The following PGBD2 variants were observed in gnomAD, a reference collection of about 807,000 sequenced individuals.
The protein encoded by PGBD2 is piggyBac transposable element-derived protein 2.
A neutral mutation model predicts 8.1 loss-of-function variants in PGBD2; 6 were observed. That is an observed-to-expected ratio of 0.74 (90% confidence interval 0.40 to 1.46). The LOEUF (loss-of-function observed/expected upper bound fraction) is 1.46, where lower values mean the gene tolerates loss of function less well. PGBD2 is among the 40% of genes most tolerant of loss of function. PGBD2 has a pLI of 0.02. For missense variants in PGBD2, 802 were observed against 739.0 expected, an observed-to-expected ratio of 1.09 and a Z score of -0.99; for synonymous variants, 318 against 272.2, an observed-to-expected ratio of 1.17 and a Z score of -1.66.
At chr1:248,923,601 A>T (rs149384209), downstream of PGBD2, among the ~76,000 whole-genome samples, 822 of 152,366 alleles carry the variant, frequency 5.4e-3, 8 homozygotes, top group Middle Eastern at 0.02. Context: ...ACAGAAAATA[A>T]TCAGACAAAT....
chr1:248,918,216 G>A lies in PGBD2; in HGVS notation c.1632G>A (p.Glu544=). The A allele has an allele frequency of 6.2e-7, 1 of 1,614,156 alleles. No individual in the cohort carries two copies. The highest frequency in any genetic ancestry group is 8.5e-7 in the Non-Finnish European group (1 of 1,180,034). ...GGCGAAGCAGGCGGTTGGAGACTGA[G>A]AGCCGCTTCGATATGATTGGGCACT... is the stretch of plus-strand genomic sequence containing the variant. ...QGRRSRRLET[E]SRFDMIGHWI... Residue 544 remains glutamate (E), a synonymous_variant, in exon 3 of 3, where the codon GAG becomes GAA. Transcript: ENST00000329291.
the PGBD2 span, among the ~76,000 whole-genome samples, chr1:248,897,141 G>A: frequency 6.6e-6 from 1 of 151,962 alleles, no homozygotes; most frequent in Admixed American, 6.5e-5. Context: ...TGCTTATGCT[G>A]GTCCAAGCAA....
the PGBD2 span, among the ~76,000 whole-genome samples, chr1:248,888,100 T>C: frequency 1.3e-5 from 2 of 152,242 alleles, no homozygotes; most frequent in African/African-American, 2.4e-5. Context: ...CTATTCTTTT[T>C]TTATGGTAGT....
downstream of PGBD2, among the ~76,000 whole-genome samples, chr1:248,920,481 C>CT (rs761474499): frequency 2.6e-5 from 4 of 152,070 alleles, no homozygotes; most frequent in Non-Finnish European, 5.9e-5. Context: ...TGAACTCATC[C>CT]TTTTTTTATG....
At chr1:248,914,426 C>G (rs1662018778) in intron 2 of PGBD2, 2 of 1,251,182 alleles carry the variant, frequency 1.6e-6, no homozygotes, top group African/African-American at 1.6e-5. Context: ...GTCTCTTTTT[C>G]TGGCCCATGC....
chr1:248,893,628 C>G, the PGBD2 span, among the ~76,000 whole-genome samples: 395 of 152,282 alleles, frequency 2.6e-3, 1 homozygote, highest in Middle Eastern at 3.4e-3. Context: ...TCTTTATCCA[C>G]TCATCTCTCA....
intron 1 of PGBD2, among the ~76,000 whole-genome samples, chr1:248,910,605 T>G (rs568282144): frequency 1.3e-5 from 2 of 152,232 alleles, no homozygotes; most frequent in South Asian, 4.1e-4. Context: ...TGGGGAGAGA[T>G]TGAGGGACTG....
the PGBD2 span, among the ~76,000 whole-genome samples, chr1:248,873,795 G>A: frequency 6.6e-6 from 1 of 152,206 alleles, no homozygotes; most frequent in Non-Finnish European, 1.5e-5. Flanking sequence ...GTGTGACGCG[G>A]CAGGCTGGCA....
At chr1:248,914,635 G>A (rs868597726) in intron 2 of PGBD2, 24 of 1,273,414 alleles carry the variant, frequency 1.9e-5, no homozygotes, top group African/African-American at 1.2e-4. Flanking sequence ...TAGAGGTTGG[G>A]GCCTGCAAAG....
the PGBD2 span, among the ~76,000 whole-genome samples, chr1:248,873,966 G>C: frequency 0.31 from 47,574 of 152,038 alleles, 11,258 homozygotes; most frequent in African/African-American, 0.65. Flanking sequence ...TGACACATTC[G>C]TTTTATTAGC....
At chr1:248,920,338 T>G (rs1369792326), downstream of PGBD2, among the ~76,000 whole-genome samples, 2 of 146,400 alleles carry the variant, frequency 1.4e-5, no homozygotes, top group Non-Finnish European at 3.0e-5. Context: ...GAGGTTCCCC[T>G]CCCTATGTCC....
upstream of PGBD2, among the ~76,000 whole-genome samples, chr1:248,901,770 C>T (rs955771802): frequency 6.6e-6 from 1 of 152,084 alleles, no homozygotes; most frequent in Non-Finnish European, 1.5e-5. Flanking sequence ...AGCTTCTGCA[C>T]AGCAAAAACA....
upstream of PGBD2, among the ~76,000 whole-genome samples, chr1:248,904,849 A>G (rs996439047): frequency 6.6e-6 from 1 of 152,168 alleles, no homozygotes; most frequent in Non-Finnish European, 1.5e-5. Flanking sequence ...TCTTCCTAGC[A>G]CTTTCCACTT....
At chr1:248,925,963 A>C in the PGBD2 span, among the ~76,000 whole-genome samples, 3 of 152,072 alleles carry the variant, frequency 2.0e-5, no homozygotes, top group Non-Finnish European at 4.4e-5. Flanking sequence ...ACTTCTCTGG[A>C]CACCCCTTCA....
At chr1:248,875,963 C>T in the PGBD2 span, among the ~76,000 whole-genome samples, 1 of 151,264 alleles carries the variant, frequency 6.6e-6, no homozygotes, top group East Asian at 1.9e-4. Context: ...TAGAACTGTA[C>T]ACATTCTGCT....
Position 248,913,872 on chromosome 1 carries a change from A to G in PGBD2, c.10A>G (p.Thr4Ala). The G allele has an allele frequency of 6.2e-7, 1 of 1,610,062 alleles. No individual in the cohort carries two copies. The highest frequency in any genetic ancestry group is 8.5e-7 in the Non-Finnish European group (1 of 1,176,358). The change falls in exon 2 of 3, where the codon ACA becomes GCA. Residue 4 changes from threonine (T) to alanine (A), a missense_variant. Transcript: ENST00000329291. Reference protein sequence around the residue: MASTSRDVIAGRGI... With the variant: MASASRDVIAGRGI... ...ATCTTCCCAGTTCATCATGGCTTCA[A>G]CATCCAGGTAGGAGTGCTGTTTGAT... is the stretch of plus-strand genomic sequence containing the variant.
At chr1:248,922,151 C>T (rs1267337843), downstream of PGBD2, among the ~76,000 whole-genome samples, 1 of 151,722 alleles carries the variant, frequency 6.6e-6, no homozygotes, top group Non-Finnish European at 1.5e-5. Flanking sequence ...GGTCCGCCTC[C>T]CGGGTTCACG....
chr1:248,916,465 A>T (rs1008425937), intron 2 of PGBD2, 137 bp from the exon 3 acceptor site: 1 of 685,778 alleles, frequency 1.5e-6, no homozygotes, highest in African/African-American at 1.8e-5. Flanking sequence ...TACTTACTAA[A>T]TGCGGTGCCT....
At chr1:248,903,819 T>C (rs2103098103), upstream of PGBD2, among the ~76,000 whole-genome samples, 1 of 152,322 alleles carries the variant, frequency 6.6e-6, no homozygotes, top group Non-Finnish European at 1.5e-5. Flanking sequence ...TCTTAATTGT[T>C]GGGTAGGCTG....
Sources: gnomAD v4.1 joint callset for allele counts (sites outside exome capture counted in the v4.1 genomes callset) on GRCh38, gnomAD v4.1.1 for gene constraint, MANE v1.5 for transcripts, NCBI Gene and HGNC (gene_info 2026-07-23, HGNC 2026-07-21) for gene names.